CEP63: variants seen among roughly 807,000 people sequenced by gnomAD.
CEP63 encodes the protein centrosomal protein of 63 kDa.
A neutral mutation model predicts 89.1 loss-of-function variants in CEP63; 84 were observed. The ratio of observed to expected loss-of-function variants is 0.94; its 90% CI spans 0.79 to 1.13. The LOEUF is 1.13. Ranked by LOEUF, CEP63 falls within the 50% of genes most tolerant of loss-of-function variation. The pLI, the probability that CEP63 is intolerant of heterozygous loss-of-function variation, is 0.00. For missense variants in CEP63, 838 were observed against 813.3 expected (o/e 1.03, Z -0.37); for synonymous variants, 267 against 272.5 (o/e 0.98, Z 0.20).
chr3:134,580,889 A>C (rs936056448), intron 10 of CEP63, among the ~76,000 whole-genome samples: 2 of 152,244 alleles, frequency 1.3e-5, no homozygotes, highest in Non-Finnish European at 2.9e-5. Context: ...TGAGGTAGCC[A>C]ATGTAATTAA....
At chr3:134,541,853 T>A (rs1018252296) in intron 6 of CEP63, among the ~76,000 whole-genome samples, 5 of 152,138 alleles carry the variant, frequency 3.3e-5, no homozygotes, top group African/African-American at 1.2e-4. Flanking sequence ...GGATGTTTGT[T>A]CTATCAAATA....
the CEP63 span, among the ~76,000 whole-genome samples, chr3:134,753,695 C>A: frequency 6.6e-6 from 1 of 152,202 alleles, no homozygotes; most frequent in Non-Finnish European, 1.5e-5. Flanking sequence ...AGTTTTCCAG[C>A]CCATCCTCAT....
At chr3:134,633,366 C>A in the CEP63 span, among the ~76,000 whole-genome samples, 1 of 152,030 alleles carries the variant, frequency 6.6e-6, no homozygotes, top group Admixed American at 6.5e-5. Context: ...AATATTACAA[C>A]ATTAAATCCA....
the CEP63 span, among the ~76,000 whole-genome samples, chr3:134,630,866 T>C: frequency 6.6e-6 from 1 of 152,048 alleles, no homozygotes; most frequent in African/African-American, 2.4e-5. Flanking sequence ...GCAAACAGTT[T>C]TGAGATAAAT....
At chr3:134,682,291 A>G in the CEP63 span, among the ~76,000 whole-genome samples, 1 of 152,146 alleles carries the variant, frequency 6.6e-6, no homozygotes, top group African/African-American at 2.4e-5. Context: ...CACTCTGGGT[A>G]CCTTTTTAGC....
chr3:134,776,590 A>T, the CEP63 span, among the ~76,000 whole-genome samples: 2 of 152,170 alleles, frequency 1.3e-5, no homozygotes, highest in African/African-American at 2.4e-5. Context: ...TGGCCTACCC[A>T]CAGGGTCTAG....
At chr3:134,578,717 A>T (rs879830190), downstream of CEP63, among the ~76,000 whole-genome samples, 5 of 152,054 alleles carry the variant, frequency 3.3e-5, no homozygotes, top group Non-Finnish European at 5.9e-5. Flanking sequence ...TCTTCTTTTG[A>T]GAAGTGTCTG....
intron 3 of CEP63, among the ~76,000 whole-genome samples, chr3:134,520,329 C>T (rs908842436): frequency 6.6e-5 from 10 of 151,988 alleles, no homozygotes; most frequent in African/African-American, 2.4e-4. Context: ...ACAAGAGTAT[C>T]AAAAAAGCAC....
chr3:134,660,684 G>A, the CEP63 span, among the ~76,000 whole-genome samples: 1 of 152,196 alleles, frequency 6.6e-6, no homozygotes, highest in Non-Finnish European at 1.5e-5. Context: ...GATTTAGTGA[G>A]GGCAACATAG....
the CEP63 span, among the ~76,000 whole-genome samples, chr3:134,674,738 C>A: frequency 6.6e-6 from 1 of 152,062 alleles, no homozygotes; most frequent in Non-Finnish European, 1.5e-5. Context: ...GAAACAAGAT[C>A]AATATATAAA....
the CEP63 span, among the ~76,000 whole-genome samples, chr3:134,701,795 T>C: frequency 6.6e-6 from 1 of 152,152 alleles, no homozygotes; most frequent in African/African-American, 2.4e-5. Context: ...CTATCTTTGT[T>C]TGCAGATGAC....
the CEP63 span, among the ~76,000 whole-genome samples, chr3:134,747,331 T>C: frequency 6.6e-6 from 1 of 152,234 alleles, no homozygotes; most frequent in Non-Finnish European, 1.5e-5. Flanking sequence ...TGTAGCCTTG[T>C]TGGTATTGGC....
the CEP63 span, among the ~76,000 whole-genome samples, chr3:134,705,446 G>C: frequency 1.3e-5 from 2 of 152,260 alleles, no homozygotes; most frequent in South Asian, 4.1e-4. Context: ...CATTCATAAA[G>C]GACCTGCCCC....
chr3:134,631,947 T>G, the CEP63 span, among the ~76,000 whole-genome samples: 1 of 152,106 alleles, frequency 6.6e-6, no homozygotes, highest in South Asian at 2.1e-4. Context: ...GGATCCAACT[T>G]TAACTACTAT....
the CEP63 span, chr3:134,619,087 A>T: frequency 1.5e-6 from 2 of 1,358,282 alleles, no homozygotes; most frequent in South Asian, 2.3e-5. Flanking sequence ...GGCACATGGC[A>T]CTGTGGAAGA....
chr3:134,690,004 C>CT, the CEP63 span, among the ~76,000 whole-genome samples: 1 of 152,156 alleles, frequency 6.6e-6, no homozygotes, highest in Non-Finnish European at 1.5e-5. Flanking sequence ...TAGTTATTTA[C>CT]AATTTATAAA....
intron 6 of CEP63, among the ~76,000 whole-genome samples, chr3:134,537,669 T>C (rs1559975454): frequency 6.6e-6 from 1 of 152,132 alleles, no homozygotes; most frequent in Non-Finnish European, 1.5e-5. Flanking sequence ...CACAGTCCCA[T>C]TCCTCCCTCT....
At chr3:134,721,526 A>C in the CEP63 span, among the ~76,000 whole-genome samples, 1 of 152,116 alleles carries the variant, frequency 6.6e-6, no homozygotes, top group Admixed American at 6.5e-5. Context: ...ATGAGAACAG[A>C]CATCCTTAAC....
At chr3:134,776,862 A>G in the CEP63 span, among the ~76,000 whole-genome samples, 13 of 152,174 alleles carry the variant, frequency 8.5e-5, no homozygotes, top group Non-Finnish European at 1.3e-4. Flanking sequence ...TGTTTTTAAC[A>G]CTTTTGAAAC....
Sources: allele counts gnomAD v4.1 joint callset (sites outside exome capture counted in the v4.1 genomes callset), GRCh38; gene constraint gnomAD v4.1.1; transcripts MANE v1.5; gene names NCBI Gene and HGNC (gene_info 2026-07-23, HGNC 2026-07-21).